VAV2: variants seen among roughly 807,000 people sequenced by gnomAD.
VAV2 encodes vav guanine nucleotide exchange factor 2, also known as guanine nucleotide exchange factor VAV2.
A neutral mutation model predicts 132.5 loss-of-function variants in VAV2; 67 were observed. That is an observed-to-expected ratio of 0.51 (90% CI 0.42 to 0.62). The LOEUF (loss-of-function observed/expected upper bound fraction) is 0.62, where lower values mean the gene tolerates loss of function less well. Ranked by LOEUF, VAV2 falls within the 20% of genes least tolerant of loss-of-function variation. The pLI is 0.00. For synonymous variants in VAV2, 492 were observed against 443.5 expected, an observed-to-expected ratio of 1.11 and a Z score of -1.37; for missense variants, 938 against 1,153.6, an observed-to-expected ratio of 0.81 and a Z score of 2.71.
At chr9:133,888,771 G>C (rs372333734) in intron 2 of VAV2, among the ~76,000 whole-genome samples, 2 of 152,170 alleles carry the variant, frequency 1.3e-5, no homozygotes, top group Non-Finnish European at 2.9e-5. Flanking sequence ...TCATCCCAGC[G>C]GCTGGCTGCA....
chr9:133,845,273 C>G (rs1836888117), intron 3 of VAV2, among the ~76,000 whole-genome samples: 1 of 152,374 alleles, frequency 6.6e-6, no homozygotes, highest in South Asian at 2.1e-4. Context: ...ATGGCAGGGG[C>G]TCTGGTCTGA....
At chr9:133,767,284 G>A (rs2131559712) in intron 29 of VAV2, among the ~76,000 whole-genome samples, 1 of 152,186 alleles carries the variant, frequency 6.6e-6, no homozygotes, top group East Asian at 1.9e-4. Flanking sequence ...AAAATAATAT[G>A]CCACACAAAG....
At chr9:133,907,863 CT>C (rs1839722011) in intron 2 of VAV2, among the ~76,000 whole-genome samples, 1 of 144,730 alleles carries the variant, frequency 6.9e-6, no homozygotes, top group African/African-American at 2.6e-5. Flanking sequence ...ACCCCACCCC[CT>C]TTCCTTTACC....
At chr9:133,950,851 G>A (rs1207301525) in intron 1 of VAV2, among the ~76,000 whole-genome samples, 2 of 151,992 alleles carry the variant, frequency 1.3e-5, no homozygotes, top group South Asian at 2.1e-4. Flanking sequence ...AGCGGCCTCC[G>A]AGGTCAACAT....
intron 2 of VAV2, among the ~76,000 whole-genome samples, chr9:133,917,267 G>A (rs1588367113): frequency 6.6e-6 from 1 of 152,222 alleles, no homozygotes; most frequent in Non-Finnish European, 1.5e-5. Context: ...CAGGAGAGGA[G>A]GTGACAAACT....
Position 133,991,952 on chromosome 9 carries a change from C to A in VAV2, c.204+123G>T. The A allele has an allele frequency of 1.2e-6, 1 of 827,496 alleles. No individual in the cohort carries two copies. Among genetic ancestry groups the A allele is most frequent in the Non-Finnish European group, 1.5e-6 (1 of 656,236 alleles). The allele number at this position is 827,496 out of a possible 1,614,324, so 51.3% of individuals were successfully genotyped here. A position where few individuals can be genotyped will look rare whatever the true frequency, so the allele number is the denominator to read the frequency against. On this transcript the variant is annotated intron_variant, in intron 1 of 29. Transcript: ENST00000371850. The surrounding 1 kb of genome is among the most constrained non-coding windows in gnomAD (Gnocchi z 4.8). ...ACCCTCCAGCCGCCCGCCCGCGTCC[C>A]GGAGCCCGGCCGCCCCAGCCAGGGC...
intron 1 of VAV2, among the ~76,000 whole-genome samples, chr9:133,984,964 A>C (rs1025543899): frequency 6.6e-6 from 1 of 151,974 alleles, no homozygotes; most frequent in Non-Finnish European, 1.5e-5. Context: ...AGTGCTACCT[A>C]TTTCTTTTTG....
At chr9:133,773,422 G>C (rs1436323509) in intron 25 of VAV2, among the ~76,000 whole-genome samples, 4 of 152,232 alleles carry the variant, frequency 2.6e-5, no homozygotes, top group Admixed American at 6.5e-5. Context: ...CTAGGACATT[G>C]CTGTGCACCA....
intron 2 of VAV2, among the ~76,000 whole-genome samples, chr9:133,909,228 G>A (rs543423756): frequency 7.7e-4 from 116 of 151,376 alleles, no homozygotes; most frequent in Non-Finnish European, 1.2e-3. Context: ...GTTGGGCTGG[G>A]TGTTTTGGTC....
rs1795500919 is a variant in VAV2 at position 133,840,145 on chromosome 9, G to C, written c.381-5805C>G. 6.6e-6 allele frequency among the ~76,000 whole-genome samples: 1 copy of C among 152,214 alleles called. No individual in the cohort carries two copies. The highest frequency in any genetic ancestry group is 2.4e-5 in the African/African-American group (1 of 41,454). ...GCCAACCACAGCCTATCCAGAAGTT[G>C]TCCTGAGAGCAGTCATCCTGGCTCC... On this transcript the variant is annotated intron_variant, in intron 3 of 29. Coordinates refer to ENST00000371850, the MANE Select transcript of VAV2 (RefSeq NM_001134398.2). The surrounding 1 kb of genome is among the most constrained non-coding windows in gnomAD (Gnocchi z 4.5).
intron 4 of VAV2, among the ~76,000 whole-genome samples, chr9:133,825,693 TG>T (rs1835961156): frequency 6.6e-6 from 1 of 150,560 alleles, no homozygotes; most frequent in East Asian, 2.0e-4. Flanking sequence ...GCGGGGAGGG[TG>T]GGCCATAGAG....
At chr9:133,766,759 A>AATATATATATATATATATATAT (rs373267933) in intron 29 of VAV2, among the ~76,000 whole-genome samples, 6 of 112,104 alleles carry the variant, frequency 5.4e-5, no homozygotes, top group African/African-American at 7.2e-5. Context: ...AGTATAAATA[A>AATATATATATATATATATATAT]ATATATATAT....
intron 1 of VAV2, among the ~76,000 whole-genome samples, chr9:133,971,100 C>T (rs796928245): frequency 4.6e-5 from 7 of 152,308 alleles, no homozygotes; most frequent in African/African-American, 1.7e-4. Context: ...AAGGTCTGGA[C>T]CGGGAAGCCC....
intron 21 of VAV2, 98 bp from the exon 22 acceptor site, chr9:133,778,987 C>A (rs1833912509): frequency 6.6e-7 from 1 of 1,509,714 alleles, no homozygotes; most frequent in Non-Finnish European, 9.0e-7. Context: ...AGCTCGGCCT[C>A]CCCCAGCACA....
intron 3 of VAV2, among the ~76,000 whole-genome samples, chr9:133,846,286 C>T (rs1362970936): frequency 1.3e-5 from 2 of 152,172 alleles, no homozygotes; most frequent in Admixed American, 6.5e-5. Context: ...CACCAAAGGG[C>T]CTGGGTGTCA....
At chr9:133,970,253 G>A (rs1449855845) in intron 1 of VAV2, among the ~76,000 whole-genome samples, 1 of 152,136 alleles carries the variant, frequency 6.6e-6, no homozygotes, top group Non-Finnish European at 1.5e-5. Flanking sequence ...CTGGGGAAGG[G>A]CCCCACCCGA....
Position 133,823,598 on chromosome 9 carries a change from G to C in VAV2, c.449+10674C>G, listed in dbSNP as rs1835875780. 6.6e-6 allele frequency among the ~76,000 whole-genome samples: 1 copy of C among 152,206 alleles called. No homozygotes were observed. Among genetic ancestry groups the C allele is most frequent in the Non-Finnish European group, 1.5e-5 (1 of 68,040 alleles). ...CTGGAGTTCCAGAACAGCACGAGGA[G>C]GGCGATTTAGAGGGGGAGGGACCTT... is the stretch of plus-strand genomic sequence containing the variant. On this transcript the variant is annotated intron_variant, in intron 4 of 29. Coordinates refer to ENST00000371850, the MANE Select transcript of VAV2 (RefSeq NM_001134398.2). The surrounding 1 kb of genome is among the most constrained non-coding windows in gnomAD (Gnocchi z 5.5).
chr9:133,982,123 A>T (rs530907334), intron 1 of VAV2, among the ~76,000 whole-genome samples: 45 of 152,286 alleles, frequency 3.0e-4, no homozygotes, highest in African/African-American at 9.6e-4. Context: ...ACAGGCCTCT[A>T]AGCAGATGGC....
intron 3 of VAV2, among the ~76,000 whole-genome samples, chr9:133,850,773 G>A (rs1278749642): frequency 1.3e-5 from 2 of 152,218 alleles, no homozygotes; most frequent in African/African-American, 4.8e-5. Flanking sequence ...TCACTGCCCT[G>A]ATGTGCCTCA....
Sources: gnomAD v4.1 joint callset for allele counts (sites outside exome capture counted in the v4.1 genomes callset) on GRCh38, gnomAD v4.1.1 for gene constraint, Gnocchi (gnomAD v3.1) non-coding constraint, MANE v1.5 for transcripts, NCBI Gene and HGNC (gene_info 2026-07-23, HGNC 2026-07-21) for gene names.